ZNF516: variants seen among roughly 807,000 people sequenced by gnomAD.
ZNF516 encodes zinc finger protein 516.
In ZNF516, 19 loss-of-function variants were observed where a neutral mutation model predicts 79.7. The observed-to-expected ratio is 0.24, with a 90% CI of 0.17 to 0.35. The LOEUF (loss-of-function observed/expected upper bound fraction) is 0.35, where lower values mean the gene tolerates loss of function less well. Among genes scored for constraint, ZNF516 ranks in the 10% least tolerant of loss-of-function variants. ZNF516 has a pLI of 1.00. For synonymous variants in ZNF516, 877 were observed against 739.5 expected (o/e 1.19, Z -3.02); for missense variants, 1,678 against 1,679.5 (o/e 1.00, Z 0.02).
intron 4 of ZNF516, among the ~76,000 whole-genome samples, chr18:76,372,241 C>T (rs2074720208): frequency 6.6e-6 from 1 of 152,260 alleles, no homozygotes; most frequent in African/African-American, 2.4e-5. Context: ...AAAGGCCGGG[C>T]TTTGTGTTTC....
chr18:76,482,762 A>C (rs1914600800), intron 1 of ZNF516, among the ~76,000 whole-genome samples: 1 of 152,204 alleles, frequency 6.6e-6, no homozygotes, highest in African/African-American at 2.4e-5. Flanking sequence ...AGAAACAAGC[A>C]AACTATTATT....
intron 2 of ZNF516, among the ~76,000 whole-genome samples, chr18:76,462,571 C>T (rs572865124): frequency 6.6e-6 from 1 of 152,324 alleles, no homozygotes; most frequent in East Asian, 1.9e-4. Flanking sequence ...TGCTCCGGCA[C>T]CTCCCAGAAG....
intron 3 of ZNF516, 68 bp from the exon 4 acceptor site, chr18:76,380,371 C>T: frequency 5.8e-6 from 9 of 1,551,456 alleles, no homozygotes; most frequent in South Asian, 2.4e-5. Flanking sequence ...ACACACGGTG[C>T]GTACAGCTAC....
intron 3 of ZNF516, among the ~76,000 whole-genome samples, chr18:76,438,558 T>G (rs977905039): frequency 6.6e-6 from 1 of 152,236 alleles, no homozygotes; most frequent in Non-Finnish European, 1.5e-5. Context: ...TTTGCACTTC[T>G]ACTATTTTAA....
At chr18:76,411,835 G>T (rs957848377) in intron 3 of ZNF516, among the ~76,000 whole-genome samples, 9 of 152,130 alleles carry the variant, frequency 5.9e-5, no homozygotes, top group Admixed American at 5.2e-4. Context: ...GCCTGAAAAC[G>T]TGTACCACCC....
chr18:76,480,967 T>C (rs1375707909), intron 1 of ZNF516, among the ~76,000 whole-genome samples: 2 of 152,250 alleles, frequency 1.3e-5, no homozygotes, highest in Non-Finnish European at 2.9e-5. Flanking sequence ...GCTCTCAAGC[T>C]GTGAGGCAGG....
intron 3 of ZNF516, among the ~76,000 whole-genome samples, chr18:76,396,924 T>C (rs1183097016): frequency 6.6e-6 from 1 of 152,210 alleles, no homozygotes; most frequent in African/African-American, 2.4e-5. Context: ...ATAAGCTGCC[T>C]GTGCAAGGGG....
intron 1 of ZNF516, chr18:76,490,684 C>T: frequency 1.3e-6 from 1 of 780,890 alleles, no homozygotes; most frequent in Middle Eastern, 6.4e-4. Flanking sequence ...AAATTACCTT[C>T]AATCAAGATT....
intron 1 of ZNF516, chr18:76,492,109 C>T (rs983125327): frequency 2.1e-6 from 2 of 962,782 alleles, no homozygotes; most frequent in African/African-American, 1.8e-5. Context: ...CAGGGGTCTC[C>T]GGGGAGGTAG....
At chr18:76,492,190 C>G (rs1304764043) in intron 1 of ZNF516, 2 of 985,440 alleles carry the variant, frequency 2.0e-6, no homozygotes, top group Non-Finnish European at 2.4e-6. Flanking sequence ...GCAGCAACCC[C>G]GCGGTGCTCC....
chr18:76,424,454 G>A (rs554091858), intron 3 of ZNF516, among the ~76,000 whole-genome samples: 1 of 133,840 alleles, frequency 7.5e-6, no homozygotes, highest in East Asian at 2.4e-4. Context: ...AGGCTCCCTC[G>A]AGACACACGC....
At chr18:76,372,031 C>A (rs2074716777) in intron 4 of ZNF516, among the ~76,000 whole-genome samples, 1 of 152,174 alleles carries the variant, frequency 6.6e-6, no homozygotes, top group African/African-American at 2.4e-5. Flanking sequence ...AGAGTGAGTG[C>A]GGCCACAGGG....
At chr18:76,397,083 G>T (rs2075157499) in intron 3 of ZNF516, among the ~76,000 whole-genome samples, 2 of 152,196 alleles carry the variant, frequency 1.3e-5, no homozygotes, top group African/African-American at 2.4e-5. Context: ...ATTGCTTTCA[G>T]AGGCTACGCA....
intron 3 of ZNF516, among the ~76,000 whole-genome samples, chr18:76,440,732 GTGTGTGTGTT>G (rs766681051): frequency 0.046 from 4,405 of 96,492 alleles, 81 homozygotes; most frequent in Middle Eastern, 0.12. Flanking sequence ...GAAAGTGTGT[GTGTGTGTGTT>G]TGTGTGTGTG....
At chr18:76,472,943 G>A (rs1568321789) in intron 1 of ZNF516, among the ~76,000 whole-genome samples, 1 of 152,110 alleles carries the variant, frequency 6.6e-6, no homozygotes, top group Non-Finnish European at 1.5e-5. Context: ...GCCAAAAAAG[G>A]AATGACAATA....
intron 5 of ZNF516, 33 bp from the exon 6 acceptor site, chr18:76,370,628 C>CA: frequency 6.4e-7 from 1 of 1,558,368 alleles, no homozygotes; most frequent in Non-Finnish European, 8.7e-7. Flanking sequence ...AACAGATCAG[C>CA]GTGTGAGCTT....
At position 76,441,375 on chromosome 18, in the gene ZNF516, A is replaced by G. The variant is rs2075816742; in HGVS notation, c.1680T>C (p.Ser560=). 6.2e-7 allele frequency: 1 copy of G among 1,610,738 alleles called. No homozygotes were observed. Among genetic ancestry groups the G allele is most frequent in the Admixed American group, 1.7e-5 (1 of 59,930 alleles). The stretch of plus-strand genomic sequence containing the variant: ...TGGGCTGGGAGGCCGAGTCACCCTC[A>G]CTGAGTGATCCGCAGCGGGCCCGCG... ...RAARARCGSL[S]EGDSASQPSS... The change falls in exon 3 of 7, where the codon AGT becomes AGC. Residue 560 remains serine, a synonymous_variant. Coordinates refer to ENST00000443185, the MANE Select transcript of ZNF516 (RefSeq NM_014643.4).
intron 3 of ZNF516, among the ~76,000 whole-genome samples, chr18:76,391,057 G>A (rs569398989): frequency 6.6e-6 from 1 of 152,234 alleles, no homozygotes; most frequent in South Asian, 2.1e-4. Flanking sequence ...AGGAACCCAG[G>A]CACAGCAGGT....
chr18:76,454,075 T>A (rs1177572670), intron 2 of ZNF516, among the ~76,000 whole-genome samples: 1 of 152,186 alleles, frequency 6.6e-6, no homozygotes, highest in Non-Finnish European at 1.5e-5. Flanking sequence ...CACCATCAAA[T>A]GAAAGAAAGA....
Sources: allele counts gnomAD v4.1 joint callset (sites outside exome capture counted in the v4.1 genomes callset), GRCh38; gene constraint gnomAD v4.1.1; transcripts MANE v1.5; gene names NCBI Gene and HGNC (gene_info 2026-07-23, HGNC 2026-07-21).